Variants in SIN3A observed in about 807,000 individuals in gnomAD.
SIN3A encodes paired amphipathic helix protein Sin3a.
A neutral mutation model predicts 146.1 loss-of-function variants in SIN3A; 14 were observed. The ratio of observed to expected loss-of-function variants is 0.10; its 90% CI spans 0.06 to 0.15. The LOEUF (loss-of-function observed/expected upper bound fraction) is 0.15, where lower values mean the gene tolerates loss of function less well. SIN3A is among the 10% of genes least tolerant of loss of function. The pLI, the probability that SIN3A is intolerant of heterozygous loss-of-function variation, is 1.00. For synonymous variants in SIN3A, 572 were observed against 572.0 expected, an observed-to-expected ratio of 1.00 and a Z score of 0.00; for missense variants, 1,028 against 1,576.0, an observed-to-expected ratio of 0.65 and a Z score of 5.89.
At chr15:75,382,033 A>C (rs778249245) in intron 17 of SIN3A, among the ~76,000 whole-genome samples, 2 of 152,280 alleles carry the variant, frequency 1.3e-5, no homozygotes, top group Non-Finnish European at 2.9e-5. Context: ...CAGAACCACA[A>C]AATGTCAATG....
intron 1 of SIN3A, among the ~76,000 whole-genome samples, chr15:75,439,507 A>T (rs1301613537): frequency 1.3e-5 from 2 of 148,508 alleles, no homozygotes; most frequent in Non-Finnish European, 3.0e-5. Flanking sequence ...CGCCTGGCTA[A>T]TTTTTTTTTT....
At chr15:75,375,946 T>G in intron 19 of SIN3A, 74 bp from the exon 20 acceptor site, 1 of 1,436,170 alleles carries the variant, frequency 7.0e-7, no homozygotes, top group Non-Finnish European at 9.8e-7. Context: ...AAGTGAGTTT[T>G]CTTTATTATA....
chr15:75,396,213 G>C lies in SIN3A; in HGVS notation c.2093+45C>G, dbSNP rs755250646. ...CCTTATTTAATGAGACACTGAACCG[G>C]TAGTGAAGTACACTAAAGCACTAAG... is the stretch of plus-strand genomic sequence containing the variant. On this transcript the variant is annotated intron_variant, in intron 13 of 20. Coordinates refer to ENST00000394947, the MANE Select transcript of SIN3A (RefSeq NM_001145358.2). 3.9e-5 allele frequency: 51 copies of C among 1,316,110 alleles called. 1 individual carries two copies. The South Asian group carries it at 5.3e-4, about 14-fold the overall frequency. The allele number at this position is 1,316,110 out of a possible 1,614,324, so 81.5% of individuals were successfully genotyped here.
intron 14 of SIN3A, among the ~76,000 whole-genome samples, chr15:75,394,049 C>A (rs1272391303): frequency 6.6e-6 from 1 of 152,120 alleles, no homozygotes; most frequent in Non-Finnish European, 1.5e-5. Flanking sequence ...CTCAGGTGAT[C>A]TGCCCGCCTC....
At chr15:75,401,210 A>G (rs2073404811) in intron 10 of SIN3A, among the ~76,000 whole-genome samples, 1 of 152,216 alleles carries the variant, frequency 6.6e-6, no homozygotes, top group African/African-American at 2.4e-5. Context: ...TAATGTTCAC[A>G]TAATTCTTAG....
chr15:75,450,808 C>T (rs1002686469), intron 1 of SIN3A, among the ~76,000 whole-genome samples: 16 of 152,246 alleles, frequency 1.1e-4, no homozygotes, highest in African/African-American at 3.1e-4. Flanking sequence ...GACTCCCAGC[C>T]AGACCCGACA....
intron 1 of SIN3A, among the ~76,000 whole-genome samples, chr15:75,447,482 T>G (rs1443857762): frequency 6.6e-6 from 1 of 151,864 alleles, no homozygotes; most frequent in Non-Finnish European, 1.5e-5. Flanking sequence ...CCCGTTAGAG[T>G]CATCAGCATT....
Position 75,422,733 on chromosome 15 carries a change from G to A in SIN3A, c.280C>T (p.His94Tyr). 1 of 1,614,206 alleles carries A rather than the reference G, an allele frequency of 6.2e-7. No homozygotes were observed. The highest frequency in any genetic ancestry group is 8.5e-7 in the Non-Finnish European group (1 of 1,180,044). The stretch of plus-strand genomic sequence containing the variant: ...TGACTCTGGACCACCTGGCCTCCGT[G>A]GGGCTGCACCGCTGTTGGGTGATGA... ...SHHHPTAVQP[H>Y]GGQVVQSHAH... The change falls in exon 3 of 21, where the codon CAC becomes TAC. Residue 94 changes from histidine to tyrosine, a missense_variant. Coordinates refer to ENST00000394947, the MANE Select transcript of SIN3A (RefSeq NM_001145358.2).
chr15:75,410,646 A>G (rs1227185298), intron 6 of SIN3A, among the ~76,000 whole-genome samples: 1 of 152,108 alleles, frequency 6.6e-6, no homozygotes, highest in Admixed American at 6.5e-5. Flanking sequence ...ACCAACTGAC[A>G]AAACCTTAGA....
At chr15:75,454,333 G>C (rs935381695), upstream of SIN3A, among the ~76,000 whole-genome samples, 1 of 152,164 alleles carries the variant, frequency 6.6e-6, no homozygotes, top group Non-Finnish European at 1.5e-5. Flanking sequence ...GTGGGAGAGA[G>C]GAAAGGGGTC....
intron 6 of SIN3A, among the ~76,000 whole-genome samples, chr15:75,410,754 A>G (rs1244542886): frequency 1.3e-5 from 2 of 152,028 alleles, no homozygotes; most frequent in Admixed American, 1.3e-4. Context: ...ACAGTGACTA[A>G]CAATCCTGAC....
chr15:75,437,112 T>G (rs1455598165), intron 1 of SIN3A, among the ~76,000 whole-genome samples: 1 of 151,878 alleles, frequency 6.6e-6, no homozygotes, highest in African/African-American at 2.4e-5. Context: ...AAGTCTTCCA[T>G]GTATGACTGC....
rs1303110153 is a variant in SIN3A, at chr15:75,380,499, G to GGAA, written c.3383+129_3383+130insTTC. The GGAA allele has an allele frequency of 8.7e-6, 6 of 685,908 alleles. No individual in the cohort carries two copies. The African/African-American group carries it at 8.8e-5, about 10-fold the overall frequency. The allele number at this position is 685,908 out of a possible 1,614,324, so 42.5% of individuals were successfully genotyped here. Reference sequence around the variant, plus strand: ...TGTTGTGACAGCCATATAAAACCTTGAATTAGCATCCCCAGCAGATAGAAC... The same window carrying GGAA: ...TGTTGTGACAGCCATATAAAACCTTGGAAAATTAGCATCCCCAGCAGATAGAAC... On this transcript the variant is annotated intron_variant, in intron 19 of 20. Transcript: ENST00000394947.
rs1054714094 is a variant in SIN3A, at chr15:75,430,283, G to A, written c.93C>T (p.His31=). 1 of 1,614,042 alleles carries A rather than the reference G, an allele frequency of 6.2e-7. No individual in the cohort carries two copies. Among genetic ancestry groups the A allele is most frequent in the African/African-American group, 1.3e-5 (1 of 74,926 alleles). The part of the protein sequence containing the change: ...PGSTEAFPHQ[H]RVLAPAPPVY... Reference sequence around the variant, plus strand: ...CAGGAGGGGCAGGGGCAAGCACCCGGTGCTGGTGAGGAAAAGCCTCTGTGC... The same window carrying A: ...CAGGAGGGGCAGGGGCAAGCACCCGATGCTGGTGAGGAAAAGCCTCTGTGC... The change falls in exon 2 of 21, where the codon CAC becomes CAT. Residue 31 remains histidine, a synonymous_variant. Coordinates refer to ENST00000394947, the MANE Select transcript of SIN3A (RefSeq NM_001145358.2).
In SIN3A at chr15:75,384,168, C is replaced by T. The variant is rs114732041; in HGVS notation, c.3195+96G>A. The T allele has an allele frequency of 5.3e-6, 5 of 948,244 alleles. No individual in the cohort carries two copies. The East Asian group carries it at 7.8e-5, about 15-fold the overall frequency. 58.7% of individuals were successfully genotyped at this position (948,244 alleles called of 1,614,324 possible). On this transcript the variant is annotated intron_variant, in intron 17 of 20. Transcript: ENST00000394947. The stretch of plus-strand genomic sequence containing the variant: ...ATTAAAAGGTCCAGGAGTAGAATCA[C>T]AGGTCAAAGTACCCCGGCTTTAACT...
Position 75,371,913 on chromosome 15 carries a change from T to G in SIN3A, c.*66A>C. The G allele has an allele frequency of 7.2e-7, 1 of 1,389,872 alleles. No homozygotes were observed. The highest frequency in any genetic ancestry group is 1.0e-6 in the Non-Finnish European group (1 of 983,972). 86.1% of individuals were successfully genotyped at this position (1,389,872 alleles called of 1,614,324 possible). ...AGGCATCTTCCTTGTTTCTTCAGTG[T>G]GTGAGTGCATAGGCCCACACACACA... On this transcript the variant is annotated 3_prime_UTR_variant, in exon 21 of 21. Coordinates refer to ENST00000394947, the MANE Select transcript of SIN3A (RefSeq NM_001145358.2).
At chr15:75,455,339 A>T (rs1003302479), upstream of SIN3A, among the ~76,000 whole-genome samples, 1 of 152,078 alleles carries the variant, frequency 6.6e-6, no homozygotes, top group Non-Finnish European at 1.5e-5. Flanking sequence ...CGCACGCCGC[A>T]GCTCCGGCCC....
Position 75,441,299 on chromosome 15 carries a change from G to A in SIN3A, c.-34+10124C>T, listed in dbSNP as rs181868471. Among the ~76,000 whole-genome samples, 1,289 of 151,854 alleles carry A rather than the reference G, an allele frequency of 8.5e-3. 21 individuals carry two copies. Among genetic ancestry groups the A allele is most frequent in the African/African-American group, 0.029 (1,184 of 41,374 alleles). On this transcript the variant is annotated intron_variant, in intron 1 of 20. Coordinates refer to ENST00000394947, the MANE Select transcript of SIN3A (RefSeq NM_001145358.2). ...AGCGTGGGCAACAGAGCCAGACTCC[G>A]TCTCAAAAAAACAAAAAACAAAATA...
At chr15:75,404,950 C>A (rs1194273708) in intron 9 of SIN3A, among the ~76,000 whole-genome samples, 1 of 151,582 alleles carries the variant, frequency 6.6e-6, no homozygotes, top group Non-Finnish European at 1.5e-5. Flanking sequence ...CTGAGACCAG[C>A]CAGGGCAAAA....
Sources: gnomAD v4.1 joint callset for allele counts (sites outside exome capture counted in the v4.1 genomes callset) on GRCh38, gnomAD v4.1.1 for gene constraint, MANE v1.5 for transcripts, NCBI Gene and HGNC (gene_info 2026-07-23, HGNC 2026-07-21) for gene names.